HNRNPLL: variants seen among roughly 807,000 people sequenced by gnomAD.
HNRNPLL encodes heterogeneous nuclear ribonucleoprotein L like, also known as heterogeneous nuclear ribonucleoprotein L-like.
HNRNPLL carries 25 observed loss-of-function variants against 67.1 expected under a neutral mutation model. The ratio of observed to expected loss-of-function variants is 0.37; its 90% CI spans 0.27 to 0.52. The LOEUF is 0.52. Among genes scored for constraint, HNRNPLL ranks in the 20% least tolerant of loss-of-function variants. The pLI, the probability that HNRNPLL is intolerant of heterozygous loss-of-function variation, is 0.90. For synonymous variants in HNRNPLL, 267 were observed against 241.7 expected (o/e 1.10, Z -0.97); for missense variants, 542 against 673.9 (o/e 0.80, Z 2.17).
rs1665697800 is a variant in HNRNPLL at position 38,562,092 on chromosome 2, T to C, written c.*2090A>G. The C allele has an allele frequency of 6.6e-6, 1 of 152,212 alleles. No individual in the cohort carries two copies. The highest frequency in any genetic ancestry group is 2.1e-4 in the South Asian group (1 of 4,830). The allele number at this position is 152,212 out of a possible 1,614,324, so 9.4% of individuals were successfully genotyped here. On this transcript the variant is annotated 3_prime_UTR_variant, in exon 13 of 13. Transcript: ENST00000449105. The stretch of plus-strand genomic sequence containing the variant: ...ATTATTTCTTTACAGTTCTTAAATC[T>C]GCTTTTTCTAGTTCTTCTAAAAGCA...
At chr2:38,586,024 AC>A in intron 2 of HNRNPLL, 143 bp from the exon 3 acceptor site, 1 of 630,262 alleles carries the variant, frequency 1.6e-6, no homozygotes, top group Admixed American at 2.7e-5. Flanking sequence ...ACGTAAGTCA[AC>A]TTTTTTTTTT....
intron 6 of HNRNPLL, among the ~76,000 whole-genome samples, chr2:38,580,349 T>C (rs1027492504): frequency 6.6e-6 from 1 of 152,214 alleles, no homozygotes; most frequent in African/African-American, 2.4e-5. Flanking sequence ...AAAGCTGCAT[T>C]ACAAAACAAA....
At chr2:38,579,400 A>G (rs1666430935) in intron 6 of HNRNPLL, among the ~76,000 whole-genome samples, 1 of 151,834 alleles carries the variant, frequency 6.6e-6, no homozygotes, top group South Asian at 2.1e-4. Context: ...CCTAAAACTT[A>G]AAGTATAATA....
intron 12 of HNRNPLL, among the ~76,000 whole-genome samples, chr2:38,567,450 C>A (rs1475636078): frequency 2.0e-5 from 3 of 152,046 alleles, no homozygotes; most frequent in East Asian, 3.9e-4. Context: ...TATATACACA[C>A]TAGGGAAGAA....
intron 1 of HNRNPLL, chr2:38,601,547 A>G (rs536107809): frequency 2.6e-5 from 4 of 152,196 alleles, no homozygotes; most frequent in African/African-American, 4.8e-5. Flanking sequence ...TTGTTTCCTT[A>G]AAGTCTCCAT....
chr2:38,575,369 T>A (rs943862469), intron 7 of HNRNPLL, among the ~76,000 whole-genome samples: 2 of 151,878 alleles, frequency 1.3e-5, no homozygotes, highest in African/African-American at 4.8e-5. Context: ...TATATTAACA[T>A]CTTGAAGGCA....
Position 38,602,528 on chromosome 2 carries a change from G to T in HNRNPLL, c.99C>A (p.Asp33Glu). Reference protein sequence around the residue: ...KRLKTEEGEIDYSAEEGENRR... With the variant: ...KRLKTEEGEIEYSAEEGENRR... ...GGTTCTCGCCTTCCTCGGCCGAGTA[G>T]TCGATCTCCCCCTCCTCGGTCTTGA... The change falls in exon 1 of 13, where the codon GAC becomes GAA. Residue 33 changes from aspartate (D) to glutamate (E), a missense_variant. By Grantham distance (45) the Asp-to-Glu change is conservative. This residue lies in a region of HNRNPLL where 127 missense variants were observed against 98.7 expected (regional missense o/e 1.29). Coordinates refer to ENST00000449105, the MANE Select transcript of HNRNPLL (RefSeq NM_138394.4). The T allele has an allele frequency of 6.4e-6, 10 of 1,556,042 alleles. No homozygotes were observed. The highest frequency in any genetic ancestry group is 8.7e-6 in the Non-Finnish European group (10 of 1,150,874).
chr2:38,601,882 G>GT (rs1667452655), intron 1 of HNRNPLL: 1 of 152,568 alleles, frequency 6.6e-6, no homozygotes, highest in African/African-American at 2.4e-5. Flanking sequence ...CTTATAAAGA[G>GT]TTTAATTTTA....
intron 3 of HNRNPLL, among the ~76,000 whole-genome samples, chr2:38,584,919 TAC>T (rs1263533979): frequency 6.6e-6 from 1 of 151,774 alleles, no homozygotes; most frequent in Non-Finnish European, 1.5e-5. Context: ...ATAAATATAT[TAC>T]TATATATTAA....
At chr2:38,567,735 T>A (rs1229933019) in intron 12 of HNRNPLL, among the ~76,000 whole-genome samples, 1 of 152,184 alleles carries the variant, frequency 6.6e-6, no homozygotes, top group East Asian at 1.9e-4. Flanking sequence ...TGTTAGGTTA[T>A]AAAAAACATT....
At chr2:38,577,008 A>T (rs918424253) in intron 7 of HNRNPLL, among the ~76,000 whole-genome samples, 8 of 151,894 alleles carry the variant, frequency 5.3e-5, no homozygotes, top group African/African-American at 1.9e-4. Flanking sequence ...CTGAAACCAA[A>T]ATACTAGCTA....
At chr2:38,583,112 T>A (rs1218165196) in intron 4 of HNRNPLL, among the ~76,000 whole-genome samples, 1 of 152,150 alleles carries the variant, frequency 6.6e-6, no homozygotes, top group Non-Finnish European at 1.5e-5. Flanking sequence ...GATTTTTACA[T>A]ATTTCTGAGA....
intron 1 of HNRNPLL, chr2:38,602,207 G>A (rs950027261): frequency 5.9e-6 from 3 of 512,242 alleles, no homozygotes; most frequent in African/African-American, 2.1e-5. Flanking sequence ...TTCAGGGCCC[G>A]GCAGTGGACT....
chr2:38,587,219 G>A (rs887877409), intron 2 of HNRNPLL, among the ~76,000 whole-genome samples: 4 of 152,086 alleles, frequency 2.6e-5, no homozygotes, highest in African/African-American at 9.7e-5. Flanking sequence ...CTTACAGCCT[G>A]GCAAATTATT....
chr2:38,591,370 A>C (rs1666951672), intron 2 of HNRNPLL, among the ~76,000 whole-genome samples, 160 bp downstream of exon 2: 1 of 152,252 alleles, frequency 6.6e-6, no homozygotes, highest in African/African-American at 2.4e-5. Context: ...TAGTAGGCTT[A>C]AAACGTTCCA....
At chr2:38,601,328 G>A (rs1458743492) in intron 1 of HNRNPLL, among the ~76,000 whole-genome samples, 1 of 152,038 alleles carries the variant, frequency 6.6e-6, no homozygotes, top group African/African-American at 2.4e-5. Flanking sequence ...AAATTCAAAC[G>A]GCTATAAAGG....
chr2:38,591,942 C>T (rs542235323), intron 1 of HNRNPLL, among the ~76,000 whole-genome samples: 11 of 152,198 alleles, frequency 7.2e-5, no homozygotes, highest in African/African-American at 2.6e-4. Flanking sequence ...CGCCACTGCA[C>T]TCCAGCCTGG....
chr2:38,595,776 A>G (rs35933789), intron 1 of HNRNPLL, among the ~76,000 whole-genome samples: 20,786 of 152,120 alleles, frequency 0.14, 1,533 homozygotes, highest in Non-Finnish European at 0.15. Context: ...CCCGGGAGGC[A>G]GAGCTTGCAG....
chr2:38,569,388 C>G, intron 9 of HNRNPLL, 54 bp from the exon 10 acceptor site: 1 of 1,256,214 alleles, frequency 8.0e-7, no homozygotes, highest in Non-Finnish European at 1.1e-6. Context: ...TAAAAAGCAG[C>G]AAGTAGTCTC....
Sources: allele counts gnomAD v4.1 joint callset (sites outside exome capture counted in the v4.1 genomes callset), GRCh38; gene constraint gnomAD v4.1.1; regional missense constraint gnomAD v4.1.1; transcripts MANE v1.5; gene names NCBI Gene and HGNC (gene_info 2026-07-23, HGNC 2026-07-21).